Variants in PRDM5 observed in about 807,000 individuals in gnomAD.
PRDM5 encodes the protein PR/SET domain 5, also known as PR domain zinc finger protein 5.
A neutral mutation model predicts 81.2 loss-of-function variants in PRDM5; 56 were observed. The observed-to-expected ratio is 0.69, with a 90% CI of 0.56 to 0.86. The LOEUF (loss-of-function observed/expected upper bound fraction) is 0.86. Ranked by LOEUF, PRDM5 falls within the 40% of genes least tolerant of loss-of-function variation. The probability of loss-of-function intolerance (pLI) is 0.00; values close to 1 mark genes in which losing one functional copy is unlikely to be tolerated. For missense variants in PRDM5, 697 were observed against 770.1 expected (o/e 0.91, Z 1.12); for synonymous variants, 267 against 256.4 (o/e 1.04, Z -0.39).
At chr4:120,754,844 C>T (rs1212078270) in intron 13 of PRDM5, among the ~76,000 whole-genome samples, 1 of 152,226 alleles carries the variant, frequency 6.6e-6, no homozygotes, top group South Asian at 2.1e-4. Context: ...GGAGAGGGCA[C>T]TGAGCCCAGA....
intron 2 of PRDM5, among the ~76,000 whole-genome samples, chr4:120,890,203 C>T (rs1204451963): frequency 4.6e-5 from 7 of 152,162 alleles, no homozygotes; most frequent in African/African-American, 1.7e-4. Context: ...AATGTACAAT[C>T]ATGGCTGAAG....
At chr4:120,823,684 T>C (rs1421097425) in intron 3 of PRDM5, among the ~76,000 whole-genome samples, 1 of 152,216 alleles carries the variant, frequency 6.6e-6, no homozygotes, top group Non-Finnish European at 1.5e-5. Flanking sequence ...TGACAAGGCC[T>C]GCCAGATCCC....
At chr4:120,687,131 A>G (rs1370177040), downstream of PRDM5, among the ~76,000 whole-genome samples, 1 of 152,050 alleles carries the variant, frequency 6.6e-6, no homozygotes, top group East Asian at 1.9e-4. Context: ...TATTATTGTA[A>G]CCCTATCTAT....
chr4:120,801,319 T>A (rs114141741), intron 8 of PRDM5, among the ~76,000 whole-genome samples: 1 of 152,158 alleles, frequency 6.6e-6, no homozygotes, highest in Non-Finnish European at 1.5e-5. Context: ...TGGCCCCTGA[T>A]AAATGGTTCT....
chr4:120,824,835 A>G (rs956792147), intron 3 of PRDM5, among the ~76,000 whole-genome samples: 1 of 152,158 alleles, frequency 6.6e-6, no homozygotes, highest in Non-Finnish European at 1.5e-5. Flanking sequence ...ATGTAAATCA[A>G]TATGCCCAAA....
downstream of PRDM5, among the ~76,000 whole-genome samples, chr4:120,684,740 T>C (rs1462396025): frequency 6.6e-6 from 1 of 151,882 alleles, no homozygotes; most frequent in Non-Finnish European, 1.5e-5. Context: ...AGAACCAGTA[T>C]TCAAAAATTA....
intron 3 of PRDM5, among the ~76,000 whole-genome samples, chr4:120,843,729 T>C (rs985792573): frequency 5.3e-5 from 8 of 149,918 alleles, no homozygotes; most frequent in Middle Eastern, 6.8e-3. Flanking sequence ...AAAGAAAGAA[T>C]CAGCCTGCAC....
rs1244168584 is a variant in PRDM5, at chr4:120,742,793, C to T, written c.1623+11760G>A. 1.7e-4 allele frequency among the ~76,000 whole-genome samples: 26 copies of T among 152,038 alleles called. 1 individual carries two copies. In the East Asian group the frequency reaches 5.0e-3, roughly 29 times the overall value. Reference sequence around the variant, plus strand: ...ATGGGACTATGTGAAAAGACCAAATCTACGTCTGATTGGTGTACCTGAAAG... The same window carrying T: ...ATGGGACTATGTGAAAAGACCAAATTTACGTCTGATTGGTGTACCTGAAAG... On this transcript the variant is annotated intron_variant, in intron 14 of 15. Coordinates refer to ENST00000264808, the MANE Select transcript of PRDM5 (RefSeq NM_018699.4).
At chr4:120,726,046 G>A (rs1739360059) in intron 14 of PRDM5, among the ~76,000 whole-genome samples, 2 of 152,242 alleles carry the variant, frequency 1.3e-5, no homozygotes, top group African/African-American at 2.4e-5. Flanking sequence ...CTGCTCACCC[G>A]AGTGGGCACA....
At chr4:120,710,288 G>A (rs1429608485) in intron 15 of PRDM5, 21 bp downstream of exon 15, 2 of 1,602,416 alleles carry the variant, frequency 1.2e-6, no homozygotes, top group Non-Finnish European at 1.7e-6. Context: ...GACACTATGG[G>A]GGAAAAAAAT....
At chr4:120,742,248 G>C (rs1246084786) in intron 14 of PRDM5, among the ~76,000 whole-genome samples, 1 of 152,184 alleles carries the variant, frequency 6.6e-6, no homozygotes, top group Non-Finnish European at 1.5e-5. Flanking sequence ...CTAACAAACA[G>C]AAAGGACATC....
intron 8 of PRDM5, among the ~76,000 whole-genome samples, chr4:120,807,996 C>A (rs12644850): frequency 6.6e-6 from 1 of 151,962 alleles, no homozygotes; most frequent in Non-Finnish European, 1.5e-5. Context: ...GGTGGGTTCA[C>A]GGTCTCACTG....
intron 2 of PRDM5, among the ~76,000 whole-genome samples, chr4:120,889,669 A>G (rs982214588): frequency 8.5e-5 from 13 of 152,162 alleles, no homozygotes; most frequent in African/African-American, 2.9e-4. Context: ...TATACAGATT[A>G]TTTTGTGGCT....
intron 2 of PRDM5, among the ~76,000 whole-genome samples, chr4:120,864,170 C>G (rs60838746): frequency 6.6e-6 from 1 of 152,146 alleles, no homozygotes; most frequent in Non-Finnish European, 1.5e-5. Context: ...AACAACCCTA[C>G]TGTGCATGAT....
At chr4:120,850,993 T>C (rs966022386) in intron 3 of PRDM5, among the ~76,000 whole-genome samples, 1 of 152,122 alleles carries the variant, frequency 6.6e-6, no homozygotes, top group Admixed American at 6.6e-5. Flanking sequence ...TGACACTGTT[T>C]TCCATTAACT....
chr4:120,703,930 T>C (rs548621794), intron 15 of PRDM5, among the ~76,000 whole-genome samples: 250 of 152,168 alleles, frequency 1.6e-3, no homozygotes, highest in African/African-American at 5.6e-3. Context: ...TAAAAATATA[T>C]ATAAAAACCA....
chr4:120,838,955 G>A, intron 3 of PRDM5: 1 of 507,148 alleles, frequency 2.0e-6, no homozygotes, highest in Admixed American at 3.2e-5. Flanking sequence ...GCTGCAGAAG[G>A]GTGGGCAGCT....
intron 13 of PRDM5, among the ~76,000 whole-genome samples, chr4:120,763,638 T>C (rs1363811392): frequency 6.6e-5 from 10 of 152,152 alleles, no homozygotes. Flanking sequence ...TCTTTATCAT[T>C]GATGTGGTTT....
At chr4:120,866,549 A>G (rs1033725570) in intron 2 of PRDM5, among the ~76,000 whole-genome samples, 1 of 152,206 alleles carries the variant, frequency 6.6e-6, no homozygotes, top group Non-Finnish European at 1.5e-5. Flanking sequence ...TTACTCCTCA[A>G]AACAACTCTA....
Sources: allele counts gnomAD v4.1 joint callset (sites outside exome capture counted in the v4.1 genomes callset), GRCh38; gene constraint gnomAD v4.1.1; transcripts MANE v1.5; gene names NCBI Gene and HGNC (gene_info 2026-07-23, HGNC 2026-07-21).